The following MAST4 variants were observed in gnomAD, a reference collection of about 807,000 sequenced individuals.
MAST4 encodes microtubule-associated serine/threonine-protein kinase 4.
Under a neutral mutation model 162.7 loss-of-function variants are expected in MAST4, and 89 were observed. The observed-to-expected ratio is 0.55, with a 90% CI of 0.46 to 0.65. The LOEUF is 0.65. MAST4 is among the 30% of genes least tolerant of loss of function. MAST4 has a pLI of 0.00. For missense variants in MAST4, 3,153 were observed against 3,374.0 expected, an observed-to-expected ratio of 0.93 and a Z score of 1.62; for synonymous variants, 1,479 against 1,361.1, an observed-to-expected ratio of 1.09 and a Z score of -1.91.
intron 1 of MAST4, among the ~76,000 whole-genome samples, chr5:66,661,204 C>T (rs1170957224): frequency 1.3e-5 from 2 of 152,178 alleles, no homozygotes; most frequent in African/African-American, 4.8e-5. Flanking sequence ...GGGCAGTCCA[C>T]AGCTGGTACA....
At chr5:66,715,546 G>A (rs1750773175) in intron 1 of MAST4, among the ~76,000 whole-genome samples, 1 of 150,286 alleles carries the variant, frequency 6.7e-6, no homozygotes, top group South Asian at 2.1e-4. Flanking sequence ...GGGAGGTATA[G>A]CATTAGGAGA....
chr5:67,168,010 T>C lies in MAST4; in HGVS notation c.*959T>C, dbSNP rs1774242045. 1 of 152,242 alleles carries C rather than the reference T, an allele frequency of 6.6e-6. No homozygotes were observed. The highest frequency in any genetic ancestry group is 1.5e-5 in the Non-Finnish European group (1 of 68,048). 9.4% of individuals were successfully genotyped at this position (152,242 alleles called of 1,614,324 possible). A position where few individuals can be genotyped will look rare whatever the true frequency, so the allele number is the denominator to read the frequency against. On this transcript the variant is annotated 3_prime_UTR_variant, in exon 29 of 29. Transcript: ENST00000403625. ...AGTCCAAGAAGCACACATTTTGTAG[T>C]AGTCCTGCACCAGCCCTGCTCTTGA...
chr5:67,073,497 A>G (rs1314095730), intron 5 of MAST4, among the ~76,000 whole-genome samples: 1 of 152,232 alleles, frequency 6.6e-6, no homozygotes, highest in African/African-American at 2.4e-5. Flanking sequence ...GAGGTTGCTT[A>G]GAAGATAACT....
chr5:66,709,005 A>G (rs1350194441), intron 1 of MAST4, among the ~76,000 whole-genome samples: 1 of 152,226 alleles, frequency 6.6e-6, no homozygotes, highest in Non-Finnish European at 1.5e-5. Flanking sequence ...GAGCACAACT[A>G]GTTTTCAAAC....
chr5:67,016,673 T>C (rs1301711253), intron 4 of MAST4, among the ~76,000 whole-genome samples: 1 of 152,262 alleles, frequency 6.6e-6, no homozygotes, highest in Admixed American at 6.5e-5. Context: ...AATGGGTTTG[T>C]GCTTTTAAAT....
intron 1 of MAST4, among the ~76,000 whole-genome samples, chr5:66,637,969 C>T (rs897970942): frequency 6.6e-6 from 1 of 152,220 alleles, no homozygotes; most frequent in African/African-American, 2.4e-5. Context: ...TCCCAAAGAA[C>T]TGGGATTACA....
chr5:67,089,599 T>C (rs1763613957), intron 5 of MAST4, among the ~76,000 whole-genome samples: 1 of 152,190 alleles, frequency 6.6e-6, no homozygotes, highest in Non-Finnish European at 1.5e-5. Context: ...CATTGAGAAA[T>C]AGGTCCAAAC....
At chr5:66,757,392 C>T (rs1049235879) in intron 1 of MAST4, among the ~76,000 whole-genome samples, 1 of 152,164 alleles carries the variant, frequency 6.6e-6, no homozygotes, top group Admixed American at 6.5e-5. Context: ...TGTTATGGAA[C>T]ATTTTGTTCA....
In MAST4 at chr5:66,955,979, TTTTTG is replaced by T. The variant is rs754985185; in HGVS notation, c.674+56001_674+56005del. Among the ~76,000 whole-genome samples, 12 of 149,912 alleles carry T rather than the reference TTTTTG, an allele frequency of 8.0e-5. No homozygotes were observed. In the South Asian group the frequency reaches 1.5e-3, roughly 19 times the overall value. On this transcript the variant is annotated intron_variant, in intron 4 of 28. Transcript: ENST00000403625. The stretch of plus-strand genomic sequence containing the variant: ...GTTGATATGTCTTTTAAGGTTTTTT[TTTTTG>T]TTTGTTTGTTTGTTTTTTGGTAAAG...
At chr5:66,710,635 A>G (rs770800207) in intron 1 of MAST4, among the ~76,000 whole-genome samples, 5 of 152,172 alleles carry the variant, frequency 3.3e-5, no homozygotes, top group Non-Finnish European at 5.9e-5. Context: ...ACAAATAGGT[A>G]TCTTCCTTCT....
At chr5:66,962,380 T>C (rs59194562) in intron 4 of MAST4, among the ~76,000 whole-genome samples, 2,298 of 152,304 alleles carry the variant, frequency 0.015, 56 homozygotes, top group African/African-American at 0.053. Context: ...GCAGTTCAAG[T>C]TCGGCCTGGG....
At chr5:66,661,990 A>G (rs1364960536) in intron 1 of MAST4, among the ~76,000 whole-genome samples, 2 of 152,102 alleles carry the variant, frequency 1.3e-5, no homozygotes, top group East Asian at 3.9e-4. Context: ...GTCATGCATT[A>G]TAGGTGATAC....
chr5:67,001,635 A>G (rs1328534020), intron 4 of MAST4: 1 of 152,088 alleles, frequency 6.6e-6, no homozygotes, highest in African/African-American at 2.4e-5. Flanking sequence ...TATGTCATTG[A>G]TTTATCCATT....
Position 66,948,598 on chromosome 5 carries a change from C to T in MAST4, c.674+48616C>T, listed in dbSNP as rs1388957206. Among the ~76,000 whole-genome samples the T allele has an allele frequency of 2.6e-5, 4 of 152,102 alleles. No individual in the cohort carries two copies. In the East Asian group the frequency reaches 7.7e-4, roughly 29 times the overall value. ...AAGCCACATAACTACTCTTGGTACT[C>T]ACAAGCCATGTCGCTGGGCTTTAAA... On this transcript the variant is annotated intron_variant, in intron 4 of 28. Transcript: ENST00000403625.
chr5:66,815,332 G>A (rs1445268039), intron 3 of MAST4, among the ~76,000 whole-genome samples: 1 of 152,136 alleles, frequency 6.6e-6, no homozygotes, highest in Non-Finnish European at 1.5e-5. Context: ...GACTTTCTGT[G>A]GTTTAAATGG....
intron 3 of MAST4, among the ~76,000 whole-genome samples, chr5:66,836,714 G>C (rs781517598): frequency 1.2e-4 from 19 of 152,270 alleles, no homozygotes. Context: ...AATACTGCAT[G>C]TTCTCACTTT....
At chr5:67,115,837 T>A (rs1482703985) in intron 12 of MAST4, among the ~76,000 whole-genome samples, 3 of 152,238 alleles carry the variant, frequency 2.0e-5, no homozygotes, top group Non-Finnish European at 4.4e-5. Flanking sequence ...AATAGTTGTT[T>A]AGCAGAAATT....
intron 1 of MAST4, among the ~76,000 whole-genome samples, chr5:66,700,156 C>T (rs1749673772): frequency 6.6e-6 from 1 of 152,166 alleles, no homozygotes; most frequent in Non-Finnish European, 1.5e-5. Flanking sequence ...AAAATGGAAA[C>T]TGATAATTTT....
At chr5:66,640,155 A>C (rs1484672666) in intron 1 of MAST4, among the ~76,000 whole-genome samples, 3 of 152,080 alleles carry the variant, frequency 2.0e-5, no homozygotes, top group African/African-American at 7.2e-5. Flanking sequence ...TCCACATATG[A>C]GATAATGCAG....
Sources: gnomAD v4.1 joint callset for allele counts (sites outside exome capture counted in the v4.1 genomes callset) on GRCh38, gnomAD v4.1.1 for gene constraint, MANE v1.5 for transcripts, NCBI Gene and HGNC (gene_info 2026-07-23, HGNC 2026-07-21) for gene names.